Variants in MRPL33 observed in about 807,000 individuals in gnomAD.
MRPL33 encodes mitochondrial ribosomal protein L33, also known as large ribosomal subunit protein bL33m.
Under a neutral mutation model 10.1 loss-of-function variants are expected in MRPL33, and 5 were observed. The observed-to-expected ratio is 0.49, with a 90% CI of 0.26 to 1.04. The LOEUF is 1.04. MRPL33 is among the 50% of genes least tolerant of loss of function. MRPL33 has a pLI of 0.14. For synonymous variants in MRPL33, 24 were observed against 27.7 expected, an observed-to-expected ratio of 0.87 and a Z score of 0.42; for missense variants, 79 against 78.1, an observed-to-expected ratio of 1.01 and a Z score of -0.04.
At chr2:27,774,565 G>C (rs575021692) in intron 3 of MRPL33, 35 bp downstream of exon 3, 4 of 1,551,722 alleles carry the variant, frequency 2.6e-6, no homozygotes, top group African/African-American at 2.7e-5. Context: ...TCCAAGGCCT[G>C]TTGCCCCCTT....
At chr2:27,771,971 C>T (rs2148171543) in intron 1 of MRPL33, 172 bp downstream of exon 1, 2 of 694,332 alleles carry the variant, frequency 2.9e-6, no homozygotes, top group Non-Finnish European at 2.4e-6. Context: ...CGGCGCGCCT[C>T]CCTGCGCGGA....
At chr2:27,777,217 C>T (rs935284990) in intron 3 of MRPL33, among the ~76,000 whole-genome samples, 1 of 151,880 alleles carries the variant, frequency 6.6e-6, no homozygotes, top group Admixed American at 6.6e-5. Flanking sequence ...TTTTTTTGTA[C>T]AGTGTCTTCT....
chr2:27,772,411 G>A (rs905835031), intron 1 of MRPL33: 2 of 395,456 alleles, frequency 5.1e-6, no homozygotes, highest in African/African-American at 2.1e-5. Flanking sequence ...GATTTAAAAG[G>A]TAGCCAGTCC....
chr2:27,777,763 T>C (rs887641641), intron 3 of MRPL33, among the ~76,000 whole-genome samples: 2 of 152,220 alleles, frequency 1.3e-5, no homozygotes, highest in Non-Finnish European at 2.9e-5. Flanking sequence ...CTACTCAATA[T>C]AGCCTTGCTC....
At chr2:27,772,353 C>G in intron 1 of MRPL33, 1 of 292,794 alleles carries the variant, frequency 3.4e-6, no homozygotes, top group Non-Finnish European at 6.3e-6. Context: ...AGCGCGAATA[C>G]TTGCACCTTA....
In MRPL33 at chr2:27,774,487, C is replaced by T. The variant is rs781193209; in HGVS notation, c.105C>T (p.Asn35=). ...GTGFCFNTKR[N]RLREKLTLLH... is the part of the protein sequence containing the mutation. The stretch of plus-strand genomic sequence containing the variant: ...GTTTCTGCTTCAACACCAAGAGAAA[C>T]CGACTGCGGGAAAAACTGACTCTTT... The change falls in exon 3 of 4, where the codon AAC becomes AAT. Residue 35 remains asparagine (N), a synonymous_variant. Coordinates refer to ENST00000296102, the MANE Select transcript of MRPL33 (RefSeq NM_004891.4). 2 of 1,614,078 alleles carry T rather than the reference C, an allele frequency of 1.2e-6. No individual in the cohort carries two copies. Among genetic ancestry groups the T allele is most frequent in the Non-Finnish European group, 1.7e-6 (2 of 1,179,954 alleles).
At chr2:27,777,223 C>T (rs1052767012) in intron 3 of MRPL33, among the ~76,000 whole-genome samples, 1 of 152,074 alleles carries the variant, frequency 6.6e-6, no homozygotes, top group Non-Finnish European at 1.5e-5. Flanking sequence ...TGTACAGTGT[C>T]TTCTGTGTTG....
At chr2:27,775,073 G>T (rs1329058489) in intron 3 of MRPL33, among the ~76,000 whole-genome samples, 1 of 152,176 alleles carries the variant, frequency 6.6e-6, no homozygotes, top group Non-Finnish European at 1.5e-5. Context: ...TGCAGTGGGG[G>T]TAGGAAATTT....
At chr2:27,777,440 C>T (rs964050152) in intron 3 of MRPL33, among the ~76,000 whole-genome samples, 1 of 151,050 alleles carries the variant, frequency 6.6e-6, no homozygotes, top group Non-Finnish European at 1.5e-5. Flanking sequence ...CACTGAGACT[C>T]CTATCACCAA....
intron 2 of MRPL33, chr2:27,772,953 G>A: frequency 2.2e-6 from 1 of 451,168 alleles, no homozygotes; most frequent in Non-Finnish European, 3.9e-6. Flanking sequence ...GGATTTGTGA[G>A]CTCACTGTCT....
intron 3 of MRPL33, among the ~76,000 whole-genome samples, chr2:27,778,218 C>G (rs1186705938): frequency 6.6e-6 from 1 of 152,122 alleles, no homozygotes; most frequent in East Asian, 1.9e-4. Flanking sequence ...TGAGAATGGA[C>G]TTACTTAGAT....
At chr2:27,773,861 TAACA>T (rs1430883363) in intron 2 of MRPL33, among the ~76,000 whole-genome samples, 1 of 152,018 alleles carries the variant, frequency 6.6e-6, no homozygotes. Context: ...CATGAAAAAA[TAACA>T]AACAGTACAG....
intron 1 of MRPL33, 147 bp downstream of exon 1, chr2:27,771,946 G>T: frequency 1.2e-6 from 1 of 843,474 alleles, no homozygotes; most frequent in African/African-American, 1.7e-5. Context: ...GGACCACAGC[G>T]TCCGGCATGC....
chr2:27,772,622 A>G, intron 1 of MRPL33, 52 bp from the exon 2 acceptor site: 1 of 1,416,756 alleles, frequency 7.1e-7, no homozygotes, highest in South Asian at 1.2e-5. Context: ...TAAGAAAGAG[A>G]ATACATTTAT....
rs767904582 is a variant in MRPL33 at position 27,772,684 on chromosome 2, C to G, written c.33C>G (p.Ser11Arg). The change falls in exon 2 of 4, where the codon AGC becomes AGG. Residue 11 changes from serine (S) to arginine (R), a missense_variant. Transcript: ENST00000296102. ...CTGTCTACAAAAAAGTTGCCAAGAG[C>G]AAGTCAAAGTAAGTAAAGATTTTTC... Reference protein sequence around the residue: MFLSAVFFAKSKSKNILVRMV... With the variant: MFLSAVFFAKRKSKNILVRMV... 6.2e-7 allele frequency: 1 copy of G among 1,601,368 alleles called. No individual in the cohort carries two copies. The highest frequency in any genetic ancestry group is 2.2e-5 in the East Asian group (1 of 44,656).
chr2:27,779,421 C>T lies in MRPL33; in HGVS notation c.149-12C>T. 1.9e-6 allele frequency: 3 copies of T among 1,577,150 alleles called. No homozygotes were observed. The highest frequency in any genetic ancestry group is 4.1e-5 in the Admixed American group (2 of 48,282). ...TAATTTTCTGCCACAATTTTTTTTT[C>T]TCCCTCCATAGTGAAACAAAGAGTC... On this transcript the variant is annotated splice_polypyrimidine_tract_variant and intron_variant, in intron 3 of 3. Coordinates refer to ENST00000296102, the MANE Select transcript of MRPL33 (RefSeq NM_004891.4).
intron 3 of MRPL33, among the ~76,000 whole-genome samples, chr2:27,778,988 C>G (rs1292426782): frequency 6.6e-6 from 1 of 152,076 alleles, no homozygotes; most frequent in Non-Finnish European, 1.5e-5. Context: ...GTGTATTAAC[C>G]CATCTCTGGG....
chr2:27,777,844 A>G (rs1437664674), intron 3 of MRPL33, among the ~76,000 whole-genome samples: 1 of 151,750 alleles, frequency 6.6e-6, no homozygotes, highest in East Asian at 1.9e-4. Context: ...CAGTGAGACA[A>G]CCCCCCTACC....
intron 1 of MRPL33, 76 bp downstream of exon 1, chr2:27,771,875 T>C: frequency 3.5e-6 from 5 of 1,443,176 alleles, no homozygotes; most frequent in Non-Finnish European, 4.8e-6. Flanking sequence ...CCCGGAATGA[T>C]GCGGGGAAGG....
Sources: allele counts gnomAD v4.1 joint callset (sites outside exome capture counted in the v4.1 genomes callset), GRCh38; gene constraint gnomAD v4.1.1; transcripts MANE v1.5; gene names NCBI Gene and HGNC (gene_info 2026-07-23, HGNC 2026-07-21).